Variants in MYO9B observed in about 807,000 individuals in gnomAD.
The protein encoded by MYO9B is unconventional myosin-IXb.
In MYO9B, 71 loss-of-function variants were observed where a neutral mutation model predicts 229.5. The observed-to-expected ratio is 0.31, with a 90% CI of 0.26 to 0.38. The LOEUF (loss-of-function observed/expected upper bound fraction) is 0.38, where lower values mean the gene tolerates loss of function less well. Ranked by LOEUF, MYO9B falls within the 10% of genes least tolerant of loss-of-function variation. The probability of loss-of-function intolerance (pLI) is 1.00; values close to 1 mark genes in which losing one functional copy is unlikely to be tolerated. For missense variants in MYO9B, 2,255 were observed against 2,920.5 expected, an observed-to-expected ratio of 0.77 and a Z score of 5.25; for synonymous variants, 1,185 against 1,235.8, an observed-to-expected ratio of 0.96 and a Z score of 0.86.
rs1286274701 is a variant in MYO9B at position 17,172,571 on chromosome 19, C to T, written c.1935+94C>T. 3 of 1,540,470 alleles carry T rather than the reference C, an allele frequency of 1.9e-6. No homozygotes were observed. The highest frequency in any genetic ancestry group is 1.4e-5 in the African/African-American group (1 of 73,346). ...GGAGGATCCTCCTGTGGGCGAGGTT[C>T]CAGGGTGCTCAGAACCCACCGCGAA... On this transcript the variant is annotated intron_variant, in intron 12 of 39. Transcript: ENST00000682292. The surrounding 1 kb of genome is among the most constrained non-coding windows in gnomAD (Gnocchi z 8.2).
At chr19:17,182,958 G>C (rs1393422697) in intron 15 of MYO9B, among the ~76,000 whole-genome samples, 4 of 151,872 alleles carry the variant, frequency 2.6e-5, no homozygotes, top group Non-Finnish European at 5.9e-5. Context: ...GTCTCTCTCT[G>C]TCACCCAGGT....
chr19:17,079,287 A>G lies in MYO9B; in HGVS notation c.-59+3413A>G, dbSNP rs138412985. Among the ~76,000 whole-genome samples the G allele has an allele frequency of 1.5e-3, 232 of 152,334 alleles. 1 individual carries two copies. The highest frequency in any genetic ancestry group is 4.2e-3 in the Admixed American group (65 of 15,302). ...CAGAGACCAGGAACTGAATCCTGCCATCCAGTCAGTTCTTAATCAGGAGGG... is the reference window on the plus strand; with the variant it reads ...CAGAGACCAGGAACTGAATCCTGCCGTCCAGTCAGTTCTTAATCAGGAGGG... On this transcript the variant is annotated intron_variant, in intron 1 of 39. Coordinates refer to ENST00000682292, the MANE Select transcript of MYO9B (RefSeq NM_004145.4).
intron 31 of MYO9B, among the ~76,000 whole-genome samples, chr19:17,205,709 C>A (rs896515506): frequency 3.8e-4 from 58 of 152,222 alleles, no homozygotes; most frequent in African/African-American, 1.4e-3. Context: ...TAGGTTATAG[C>A]TCTCTCCCCA....
intron 2 of MYO9B, among the ~76,000 whole-genome samples, chr19:17,119,918 G>C (rs901308583): frequency 1.1e-4 from 17 of 152,168 alleles, no homozygotes; most frequent in South Asian, 2.1e-4. Flanking sequence ...AAAGTGCAGG[G>C]ATTACAGCTA....
chr19:17,160,371 C>T (rs1274939392), intron 8 of MYO9B, among the ~76,000 whole-genome samples: 8 of 152,004 alleles, frequency 5.3e-5, no homozygotes, highest in Non-Finnish European at 1.0e-4. Context: ...TCCTTGACAC[C>T]CAAGAAATGC....
intron 10 of MYO9B, among the ~76,000 whole-genome samples, chr19:17,166,472 T>C (rs2072660484): frequency 6.6e-6 from 1 of 152,214 alleles, no homozygotes; most frequent in South Asian, 2.1e-4. Context: ...GATTTACTCA[T>C]ATGCATTTTG....
intron 11 of MYO9B, among the ~76,000 whole-genome samples, chr19:17,171,129 G>T (rs1184052672): frequency 6.6e-5 from 10 of 152,168 alleles, no homozygotes; most frequent in African/African-American, 2.4e-4. Context: ...TCCTGGAAAT[G>T]ATATGTTTCA....
rs1391596048 is a variant in MYO9B at position 17,168,166 on chromosome 19, A to T, written c.1793+102A>T. ...TACCCCAAATCCAGACTTTCCCAAG[A>T]GCGCCTTTTTATTTTTGAGACAGGG... On this transcript the variant is annotated intron_variant, in intron 11 of 39. Coordinates refer to ENST00000682292, the MANE Select transcript of MYO9B (RefSeq NM_004145.4). 3 of 1,472,372 alleles carry T rather than the reference A, an allele frequency of 2.0e-6. No homozygotes were observed. The African/African-American group carries it at 4.2e-5, about 21-fold the overall frequency. The allele number at this position is 1,472,372 out of a possible 1,614,324, so 91.2% of individuals were successfully genotyped here.
intron 20 of MYO9B, among the ~76,000 whole-genome samples, chr19:17,191,492 G>A (rs572166340): frequency 6.6e-6 from 1 of 152,176 alleles, no homozygotes; most frequent in Non-Finnish European, 1.5e-5. Context: ...CGTGCTAACT[G>A]GCAGGATTTA....
chr19:17,110,839 G>A (rs1250443439), intron 2 of MYO9B, among the ~76,000 whole-genome samples: 1 of 152,076 alleles, frequency 6.6e-6, no homozygotes, highest in Non-Finnish European at 1.5e-5. Flanking sequence ...ACTGAGGAAG[G>A]GTCCTGAACG....
intron 2 of MYO9B, among the ~76,000 whole-genome samples, chr19:17,135,222 A>G (rs2072254128): frequency 6.6e-6 from 1 of 152,192 alleles, no homozygotes; most frequent in Non-Finnish European, 1.5e-5. Context: ...ATTTTTTTCC[A>G]AAGTTTACAA....
At chr19:17,186,566 G>A (rs1198484201) in intron 18 of MYO9B, among the ~76,000 whole-genome samples, 3 of 152,110 alleles carry the variant, frequency 2.0e-5, no homozygotes, top group African/African-American at 7.2e-5. Flanking sequence ...CTGTACCTGG[G>A]GAGATGCTCC....
chr19:17,081,293 C>G (rs918060673), intron 1 of MYO9B, among the ~76,000 whole-genome samples: 2 of 152,172 alleles, frequency 1.3e-5, no homozygotes, highest in African/African-American at 4.8e-5. Context: ...TCCCAAAGTG[C>G]TGGGATAACA....
intron 36 of MYO9B, 149 bp from the exon 37 acceptor site, chr19:17,210,184 G>C (rs962012109): frequency 1.3e-6 from 1 of 747,912 alleles, no homozygotes; most frequent in African/African-American, 1.8e-5. Context: ...CAGCCCCACA[G>C]TGCAGGGGTG....
At chr19:17,099,468 C>T (rs1192667941) in intron 1 of MYO9B, among the ~76,000 whole-genome samples, 1 of 151,404 alleles carries the variant, frequency 6.6e-6, no homozygotes, top group African/African-American at 2.4e-5. Context: ...ATTGGCCTGG[C>T]GCAGTGGCTC....
chr19:17,187,665 C>G (rs1318674283), intron 18 of MYO9B, among the ~76,000 whole-genome samples: 4 of 151,978 alleles, frequency 2.6e-5, no homozygotes, highest in Admixed American at 2.6e-4. Flanking sequence ...ACTGATCCTC[C>G]CATCTTGGCC....
intron 2 of MYO9B, among the ~76,000 whole-genome samples, chr19:17,121,132 G>A (rs1410912345): frequency 6.6e-6 from 1 of 152,092 alleles, no homozygotes; most frequent in African/African-American, 2.4e-5. Context: ...TAGTAGAGAT[G>A]GGGTTTTGCC....
intron 6 of MYO9B, among the ~76,000 whole-genome samples, chr19:17,155,674 G>A (rs2072529007): frequency 6.6e-6 from 1 of 151,954 alleles, no homozygotes; most frequent in South Asian, 2.1e-4. Context: ...TTGAGAGGCT[G>A]AGGTGGGAGG....
intron 33 of MYO9B, 68 bp from the exon 34 acceptor site, chr19:17,206,611 G>A: frequency 2.1e-6 from 3 of 1,418,054 alleles, no homozygotes; most frequent in Non-Finnish European, 2.9e-6. Flanking sequence ...CTCAGGTCGT[G>A]TTGGTGGGGA....
Sources: gnomAD v4.1 joint callset for allele counts (sites outside exome capture counted in the v4.1 genomes callset) on GRCh38, gnomAD v4.1.1 for gene constraint, Gnocchi (gnomAD v3.1) non-coding constraint, MANE v1.5 for transcripts, NCBI Gene and HGNC (gene_info 2026-07-23, HGNC 2026-07-21) for gene names.